The following NPHP4 variants were observed in gnomAD, a reference collection of about 807,000 sequenced individuals.
NPHP4 encodes nephrocystin-4.
In NPHP4, 151 loss-of-function variants were observed where a neutral mutation model predicts 155.8. The observed-to-expected ratio is 0.97, with a 90% CI of 0.85 to 1.11. The LOEUF (loss-of-function observed/expected upper bound fraction) is 1.11. NPHP4 is among the 50% of genes least tolerant of loss of function. NPHP4 has a pLI of 0.00. For missense variants in NPHP4, 1,956 were observed against 1,925.7 expected (o/e 1.02, Z -0.29); for synonymous variants, 845 against 816.8 (o/e 1.03, Z -0.59).
At position 5,947,175 on chromosome 1, in the gene NPHP4, C is replaced by T. The variant is rs377155892; in HGVS notation, c.1048G>A (p.Gly350Ser). The T allele has an allele frequency of 7.6e-5, 123 of 1,613,794 alleles. No individual in the cohort carries two copies. Among genetic ancestry groups the T allele is most frequent in the African/African-American group, 4.0e-4 (30 of 74,910 alleles). ...RSRLRLPEMV[G>S]HPAFAVIFQL... ...AAGATGACCGCAAATGCAGGGTGGC[C>T]GACCATCTCTGGGAGGCGGAGGCGG... The change falls in exon 9 of 30, where the codon GGC (glycine) becomes AGC (serine). Residue 350 changes from glycine (G) to serine (S), a missense_variant. Physicochemically the swap from Gly to Ser is moderately conservative, Grantham distance 56. Coordinates refer to ENST00000378156, the MANE Select transcript of NPHP4 (RefSeq NM_015102.5).
chr1:5,952,248 A>G (rs1648239294), intron 7 of NPHP4, among the ~76,000 whole-genome samples: 1 of 152,204 alleles, frequency 6.6e-6, no homozygotes, highest in South Asian at 2.1e-4. Flanking sequence ...AACGAGCCCC[A>G]TGTCCCCGCC....
chr1:5,966,935 C>T (rs1241642115), intron 5 of NPHP4, among the ~76,000 whole-genome samples: 1 of 152,264 alleles, frequency 6.6e-6, no homozygotes, highest in African/African-American at 2.4e-5. Flanking sequence ...GCCATGGGGC[C>T]TTGCCATGCT....
At chr1:5,943,853 G>A (rs1233053123) in intron 9 of NPHP4, among the ~76,000 whole-genome samples, 1 of 152,146 alleles carries the variant, frequency 6.6e-6, no homozygotes, top group African/African-American at 2.4e-5. Context: ...GGAGAGACAT[G>A]GTGAGCCATC....
At chr1:5,946,414 C>G (rs1457761649) in intron 9 of NPHP4, among the ~76,000 whole-genome samples, 1 of 152,186 alleles carries the variant, frequency 6.6e-6, no homozygotes, top group Non-Finnish European at 1.5e-5. Context: ...CTTTACCACA[C>G]TACTGTCATA....
intron 3 of NPHP4, among the ~76,000 whole-genome samples, chr1:5,977,187 C>T (rs1035712623): frequency 6.6e-6 from 1 of 152,140 alleles, no homozygotes; most frequent in African/African-American, 2.4e-5. Context: ...CATGACATCG[C>T]CGGCTGTTAA....
At chr1:5,933,051 A>G in intron 10 of NPHP4, 96 bp downstream of exon 10, 3 of 998,212 alleles carry the variant, frequency 3.0e-6, no homozygotes, top group Non-Finnish European at 4.4e-6. Flanking sequence ...CTGTAAATGA[A>G]ACATCTGCAA....
chr1:5,863,115 G>A lies in NPHP4; in HGVS notation c.*150C>T, dbSNP rs539909588. On this transcript the variant is annotated 3_prime_UTR_variant, in exon 30 of 30. Coordinates refer to ENST00000378156, the MANE Select transcript of NPHP4 (RefSeq NM_015102.5). ...AGGTACTACAAAATGACCAGCGCTC[G>A]GTCTCTGCTTCCTCAGCCAAGTGCA... is the stretch of plus-strand genomic sequence containing the variant. 17 of 778,532 alleles carry A rather than the reference G, an allele frequency of 2.2e-5. No homozygotes were observed. The highest frequency in any genetic ancestry group is 7.9e-5 in the South Asian group (5 of 63,642). 48.2% of individuals were successfully genotyped at this position (778,532 alleles called of 1,614,324 possible).
chr1:5,948,028 T>A, intron 8 of NPHP4, 42 bp downstream of exon 8: 1 of 1,505,478 alleles, frequency 6.6e-7, no homozygotes, highest in South Asian at 1.1e-5. Context: ...TCGTGATCCC[T>A]TGCACATCCC....
At chr1:5,906,611 T>C (rs1644924798) in intron 13 of NPHP4, among the ~76,000 whole-genome samples, 1 of 152,256 alleles carries the variant, frequency 6.6e-6, no homozygotes, top group South Asian at 2.1e-4. Context: ...AAGATGCAGT[T>C]TGCAGGTGAA....
chr1:5,907,747 G>C (rs1368117991), intron 12 of NPHP4, among the ~76,000 whole-genome samples: 1 of 152,190 alleles, frequency 6.6e-6, no homozygotes, highest in Non-Finnish European at 1.5e-5. Flanking sequence ...TGTAGCCTCA[G>C]GCAAGTCAGC....
chr1:5,879,816 A>C (rs982792266), intron 19 of NPHP4, among the ~76,000 whole-genome samples: 1 of 126,286 alleles, frequency 7.9e-6, no homozygotes, highest in African/African-American at 3.3e-5. Flanking sequence ...CACACACGCA[A>C]ACACACACAC....
intron 16 of NPHP4, among the ~76,000 whole-genome samples, chr1:5,894,744 G>A (rs933206727): frequency 8.6e-5 from 13 of 150,900 alleles, no homozygotes; most frequent in South Asian, 8.4e-4. Context: ...ATGAGGGGAC[G>A]GTAAAGATAA....
chr1:5,880,273 C>T (rs1180005395), intron 18 of NPHP4, 34 bp from the exon 19 acceptor site: 2 of 1,609,490 alleles, frequency 1.2e-6, no homozygotes, highest in Non-Finnish European at 8.5e-7. Flanking sequence ...AAGACATGAA[C>T]CCCAAATGAG....
In NPHP4 at chr1:5,905,699, CG is replaced by C. The variant is rs935109128; in HGVS notation, c.1695del (p.Glu566AsnfsTer61). The C allele has an allele frequency of 6.2e-7, 1 of 1,613,710 alleles. No individual in the cohort carries two copies. The highest frequency in any genetic ancestry group is 8.5e-7 in the Non-Finnish European group (1 of 1,179,828). On this transcript the variant is annotated frameshift_variant, in exon 14 of 30. Coordinates refer to ENST00000378156, the MANE Select transcript of NPHP4 (RefSeq NM_015102.5). LOFTEE classifies it high-confidence loss of function. The surrounding 1 kb of genome is among the most constrained non-coding windows in gnomAD (Gnocchi z 4.0). ...QTSLVLETSI[A>X]EQLQELPFTP... ...GTGAACGGCAGCTCCTGTAACTGTT[CG>C]GCAATGGATGTTTCCAGGACCAGGG...
intron 11 of NPHP4, among the ~76,000 whole-genome samples, chr1:5,914,009 C>T (rs1037682443): frequency 7.2e-5 from 11 of 152,116 alleles, no homozygotes; most frequent in Non-Finnish European, 1.6e-4. Context: ...CTGGGCTTCG[C>T]TTCTTCATCA....
chr1:5,891,556 T>C (rs139899567), intron 16 of NPHP4, among the ~76,000 whole-genome samples: 12 of 152,384 alleles, frequency 7.9e-5, no homozygotes, highest in African/African-American at 2.2e-4. Flanking sequence ...GTCATCAGGC[T>C]AAGAGATGGG....
At position 5,907,229 on chromosome 1, in the gene NPHP4, G is replaced by A. The variant is rs1644953347; in HGVS notation, c.1504-7C>T. The A allele has an allele frequency of 1.3e-6, 2 of 1,558,500 alleles. No individual in the cohort carries two copies. Among genetic ancestry groups the A allele is most frequent in the Non-Finnish European group, 1.7e-6 (2 of 1,147,164 alleles). On this transcript the variant is annotated splice_region_variant and splice_polypyrimidine_tract_variant and intron_variant, in intron 12 of 29. Coordinates refer to ENST00000378156, the MANE Select transcript of NPHP4 (RefSeq NM_015102.5). ...CCAGCTGGGAAATTGACAACTGGAA[G>A]GAAAGAGAGCACAGGTGAGGGGCTC...
intron 22 of NPHP4, chr1:5,873,835 CCTGCACACACACAACTGCATGT>C (rs1203087818): frequency 4.0e-6 from 1 of 247,326 alleles, no homozygotes. Flanking sequence ...TCACATACTC[CCTGCACACACACAACTGCATGT>C]CTGCACACAC....
intron 8 of NPHP4, 42 bp from the exon 9 acceptor site, chr1:5,947,272 C>T (rs1248933578): frequency 1.9e-6 from 3 of 1,605,626 alleles, no homozygotes; most frequent in Non-Finnish European, 1.7e-6. Flanking sequence ...AGAGCTCGAG[C>T]TCCCATCCTT....
Sources: gnomAD v4.1 joint callset for allele counts (sites outside exome capture counted in the v4.1 genomes callset) on GRCh38, gnomAD v4.1.1 for gene constraint, Gnocchi (gnomAD v3.1) non-coding constraint, MANE v1.5 for transcripts, NCBI Gene and HGNC (gene_info 2026-07-23, HGNC 2026-07-21) for gene names.